NCOA1: variants seen among roughly 807,000 people sequenced by gnomAD.
NCOA1 encodes the protein nuclear receptor coactivator 1.
A neutral mutation model predicts 150.9 loss-of-function variants in NCOA1; 35 were observed. The observed-to-expected ratio is 0.23, with a 90% CI of 0.18 to 0.31. The LOEUF (loss-of-function observed/expected upper bound fraction) is 0.31. Ranked by LOEUF, NCOA1 falls within the 10% of genes least tolerant of loss-of-function variation. The probability of loss-of-function intolerance (pLI) is 1.00; values close to 1 mark genes in which losing one functional copy is unlikely to be tolerated. For missense variants in NCOA1, 1,491 were observed against 1,749.3 expected, an observed-to-expected ratio of 0.85 and a Z score of 2.63; for synonymous variants, 590 against 630.0, an observed-to-expected ratio of 0.94 and a Z score of 0.95.
intron 3 of NCOA1, among the ~76,000 whole-genome samples, chr2:24,619,991 C>T (rs1008836780): frequency 6.6e-6 from 1 of 152,136 alleles, no homozygotes. Context: ...CCTACCTCTT[C>T]CTGACCTTCT....
chr2:24,607,412 G>A (rs1007909905), intron 3 of NCOA1, among the ~76,000 whole-genome samples: 4 of 146,744 alleles, frequency 2.7e-5, no homozygotes, highest in Non-Finnish European at 6.1e-5. Context: ...GATTGGCTGG[G>A]CGCACGGTGG....
chr2:24,534,956 C>CT (rs1367710170), intron 1 of NCOA1, among the ~76,000 whole-genome samples: 3 of 152,090 alleles, frequency 2.0e-5, no homozygotes, highest in African/African-American at 7.2e-5. Context: ...CTGTAGATGT[C>CT]TATTAGTTCT....
intron 20 of NCOA1, among the ~76,000 whole-genome samples, chr2:24,752,659 T>C (rs556786963): frequency 6.6e-6 from 1 of 152,274 alleles, no homozygotes; most frequent in African/African-American, 2.4e-5. Context: ...AAAGTTTTTC[T>C]TTATAAGAAC....
Position 24,706,803 on chromosome 2 carries a change from C to T in NCOA1, c.1333C>T (p.Pro445Ser). Residue 445 changes from proline to serine, a missense_variant, in exon 13 of 23, where the codon CCC becomes TCC. Pro to Ser is a moderately conservative substitution (Grantham distance 74, BLOSUM62 -1). Around this residue, in one of 8 missense-constraint regions of NCOA1, gnomAD observed 703 missense variants for 717.7 expected, o/e 0.98. Coordinates refer to ENST00000348332, the MANE Select transcript of NCOA1 (RefSeq NM_003743.5). The stretch of plus-strand genomic sequence containing the variant: ...CAGCCAAGGAAGTTTCGGATGCTCA[C>T]CCGGAAGTCAGATTGTAGCCAATGT... ...SNSQGSFGCS[P>S]GSQIVANVAL... 6.2e-7 allele frequency: 1 copy of T among 1,614,186 alleles called. No homozygotes were observed. The highest frequency in any genetic ancestry group is 8.5e-7 in the Non-Finnish European group (1 of 1,180,030).
At position 24,715,832 on chromosome 2, in the gene NCOA1, A is replaced by G. The variant is rs548699617; in HGVS notation, c.2599+4721A>G. 2.9e-4 allele frequency among the ~76,000 whole-genome samples: 44 copies of G among 152,270 alleles called. No homozygotes were observed. The South Asian group carries it at 8.1e-3, about 28-fold the overall frequency. On this transcript the variant is annotated intron_variant, in intron 14 of 22. Transcript: ENST00000348332. ...TCCAAAATCAACCCATGTAAATTTA[A>G]TGTAATCCCAATAACAATCCCAGCA...
chr2:24,541,860 TTA>T (rs1417646074), intron 1 of NCOA1, among the ~76,000 whole-genome samples: 1 of 152,194 alleles, frequency 6.6e-6, no homozygotes, highest in Non-Finnish European at 1.5e-5. Flanking sequence ...TGTGAAATAG[TTA>T]TGACACTGCA....
rs146755675 is a variant in NCOA1, at chr2:24,682,841, G to A, written c.355-110G>A. 2.7e-4 allele frequency: 232 copies of A among 862,670 alleles called. No homozygotes were observed. In the Middle Eastern group the frequency reaches 4.7e-3, roughly 17 times the overall value. 53.4% of individuals were successfully genotyped at this position (862,670 alleles called of 1,614,324 possible). A position where few individuals can be genotyped will look rare whatever the true frequency, so the allele number is the denominator to read the frequency against. On this transcript the variant is annotated intron_variant, in intron 7 of 22. Transcript: ENST00000348332. ...GTATCACAATTTCCTTGAGGACAGA[G>A]ACCAGGTCTTGACATATATTTCTGA... is the stretch of plus-strand genomic sequence containing the variant.
chr2:24,504,107 G>C (rs1177045617), intron 1 of NCOA1, among the ~76,000 whole-genome samples: 6 of 151,296 alleles, frequency 4.0e-5, no homozygotes, highest in Admixed American at 3.9e-4. Context: ...TTGTACCACA[G>C]TGCTTTCATA....
chr2:24,713,413 GTCA>G (rs968773659), intron 14 of NCOA1, among the ~76,000 whole-genome samples: 4 of 152,162 alleles, frequency 2.6e-5, no homozygotes, highest in Non-Finnish European at 5.9e-5. Context: ...ACCAAAGCTT[GTCA>G]TCATATCATT....
At chr2:24,686,864 G>A (rs1672427311) in intron 8 of NCOA1, among the ~76,000 whole-genome samples, 2 of 152,242 alleles carry the variant, frequency 1.3e-5, no homozygotes, top group Admixed American at 1.3e-4. Context: ...GTTTTAAGAA[G>A]ATAATGATAG....
At chr2:24,677,027 A>C (rs530029865) in intron 7 of NCOA1, among the ~76,000 whole-genome samples, 20 of 152,320 alleles carry the variant, frequency 1.3e-4, no homozygotes, top group Admixed American at 2.6e-4. Context: ...TATATTAGTC[A>C]GTTTTCACAC....
intron 3 of NCOA1, among the ~76,000 whole-genome samples, chr2:24,610,883 C>G (rs1246059707): frequency 6.6e-6 from 1 of 151,316 alleles, no homozygotes; most frequent in Non-Finnish European, 1.5e-5. Context: ...TTATTTCCTT[C>G]TACTATGTGC....
At chr2:24,551,148 G>A (rs1053063802) in intron 1 of NCOA1, among the ~76,000 whole-genome samples, 1 of 144,874 alleles carries the variant, frequency 6.9e-6, no homozygotes, top group Admixed American at 6.9e-5. Context: ...GTCTTTTTTT[G>A]TAAGGCAGAA....
intron 3 of NCOA1, among the ~76,000 whole-genome samples, chr2:24,605,242 A>G (rs906465140): frequency 1.3e-5 from 2 of 152,198 alleles, no homozygotes; most frequent in African/African-American, 4.8e-5. Context: ...ATGCTTTTGG[A>G]AAAATGGCAC....
chr2:24,529,725 T>A (rs1201141003), intron 1 of NCOA1, among the ~76,000 whole-genome samples: 1 of 152,168 alleles, frequency 6.6e-6, no homozygotes, highest in Non-Finnish European at 1.5e-5. Flanking sequence ...ATAAGAATAT[T>A]TGAGAGACAG....
At chr2:24,543,636 C>T (rs1267617900) in intron 1 of NCOA1, among the ~76,000 whole-genome samples, 1 of 151,838 alleles carries the variant, frequency 6.6e-6, no homozygotes, top group Non-Finnish European at 1.5e-5. Flanking sequence ...CCTAGATGAA[C>T]AGGGAAGGCA....
intron 17 of NCOA1, among the ~76,000 whole-genome samples, chr2:24,731,468 A>G (rs1053231508): frequency 6.6e-6 from 1 of 152,218 alleles, no homozygotes; most frequent in Non-Finnish European, 1.5e-5. Context: ...AATATTAGCT[A>G]TTACTATAAA....
intron 2 of NCOA1, among the ~76,000 whole-genome samples, chr2:24,567,792 A>G (rs1021382571): frequency 1.3e-5 from 2 of 152,132 alleles, no homozygotes; most frequent in African/African-American, 4.8e-5. Flanking sequence ...TTTGTTGCCC[A>G]GGCTAGAGTG....
At chr2:24,709,799 G>C (rs1202484057) in intron 13 of NCOA1, among the ~76,000 whole-genome samples, 1 of 152,156 alleles carries the variant, frequency 6.6e-6, no homozygotes, top group Non-Finnish European at 1.5e-5. Flanking sequence ...ACAATAGAAT[G>C]GATAATTATG....
Sources: gnomAD v4.1 joint callset for allele counts (sites outside exome capture counted in the v4.1 genomes callset) on GRCh38, gnomAD v4.1.1 for gene constraint, gnomAD v4.1.1 regional missense constraint, MANE v1.5 for transcripts, NCBI Gene and HGNC (gene_info 2026-07-23, HGNC 2026-07-21) for gene names.